Variants in UNC5C observed in about 807,000 individuals in gnomAD.
The protein encoded by UNC5C is netrin receptor UNC5C.
Under a neutral mutation model 99.8 loss-of-function variants are expected in UNC5C, and 47 were observed. The observed-to-expected ratio is 0.47, with a 90% CI of 0.37 to 0.60. The LOEUF (loss-of-function observed/expected upper bound fraction) is 0.60. UNC5C is among the 20% of genes least tolerant of loss of function. The pLI, the probability that UNC5C is intolerant of heterozygous loss-of-function variation, is 0.00. For missense variants in UNC5C, 1,062 were observed against 1,165.9 expected (o/e 0.91, Z 1.30); for synonymous variants, 487 against 452.2 (o/e 1.08, Z -0.98).
intron 1 of UNC5C, among the ~76,000 whole-genome samples, chr4:95,502,161 G>A (rs564668618): frequency 8.0e-4 from 122 of 152,282 alleles, no homozygotes; most frequent in African/African-American, 2.8e-3. Context: ...TGACGAACAT[G>A]TTACTTCCAG....
rs1453299756 is a variant in UNC5C at position 95,548,882 on chromosome 4, A to T, written c.-25T>A. On this transcript the variant is annotated 5_prime_UTR_variant, in exon 1 of 16. Coordinates refer to ENST00000453304, the MANE Select transcript of UNC5C (RefSeq NM_003728.4). ...TCGTAGACAGAGGTGTGCCGGGGGG[A>T]GGGGAGGGGGACAGAGAGACGCGCA... 1.0e-5 allele frequency: 16 copies of T among 1,599,166 alleles called. No individual in the cohort carries two copies. Among genetic ancestry groups the T allele is most frequent in the African/African-American group, 1.3e-5 (1 of 74,140 alleles).
intron 1 of UNC5C, among the ~76,000 whole-genome samples, chr4:95,357,135 GT>G (rs33936765): frequency 0.23 from 33,826 of 145,924 alleles, 3,884 homozygotes; most frequent in Admixed American, 0.26. Context: ...CCTTTTTTTT[GT>G]TTTTTTTTTT....
chr4:95,530,017 A>G (rs758691140), intron 1 of UNC5C, among the ~76,000 whole-genome samples: 1 of 152,214 alleles, frequency 6.6e-6, no homozygotes, highest in Non-Finnish European at 1.5e-5. Context: ...TGCAACTTGC[A>G]TATATATTTT....
At chr4:95,189,302 A>G (rs189548393) in intron 12 of UNC5C, among the ~76,000 whole-genome samples, 1 of 152,286 alleles carries the variant, frequency 6.6e-6, no homozygotes, top group Non-Finnish European at 1.5e-5. Flanking sequence ...AAATATTTTT[A>G]GACACCTTCT....
At chr4:95,383,206 T>C (rs1206402640) in intron 1 of UNC5C, among the ~76,000 whole-genome samples, 3 of 152,156 alleles carry the variant, frequency 2.0e-5, no homozygotes, top group African/African-American at 7.2e-5. Context: ...CTCATAGTTT[T>C]CTTCTTCCAG....
intron 1 of UNC5C, among the ~76,000 whole-genome samples, chr4:95,345,678 C>T (rs1342983895): frequency 6.6e-6 from 1 of 151,656 alleles, no homozygotes. Context: ...AATGGAATAG[C>T]CTAGAAATAA....
intron 7 of UNC5C, among the ~76,000 whole-genome samples, chr4:95,240,286 T>C (rs887539113): frequency 9.2e-5 from 14 of 152,144 alleles, no homozygotes; most frequent in Admixed American, 8.5e-4. Flanking sequence ...GGCCAAACAA[T>C]ATTATTTTTT....
At chr4:95,380,929 CA>C (rs1745050544) in intron 1 of UNC5C, among the ~76,000 whole-genome samples, 1 of 152,056 alleles carries the variant, frequency 6.6e-6, no homozygotes, top group Admixed American at 6.5e-5. Context: ...ATATTTTGTG[CA>C]ATTTTACCAT....
intron 13 of UNC5C, among the ~76,000 whole-genome samples, chr4:95,183,670 C>G (rs1332231468): frequency 6.6e-6 from 1 of 150,574 alleles, no homozygotes; most frequent in Non-Finnish European, 1.5e-5. Flanking sequence ...GACCACCTTA[C>G]AGAGCCTATC....
chr4:95,545,446 T>C (rs1044361994), intron 1 of UNC5C, among the ~76,000 whole-genome samples: 1 of 152,230 alleles, frequency 6.6e-6, no homozygotes, highest in Non-Finnish European at 1.5e-5. Context: ...GATAGAATTG[T>C]AATGAACTTT....
intron 12 of UNC5C, among the ~76,000 whole-genome samples, chr4:95,198,961 A>AAAT (rs1217831200): frequency 6.6e-6 from 1 of 152,174 alleles, no homozygotes; most frequent in African/African-American, 2.4e-5. Flanking sequence ...AGTATTAAGA[A>AAAT]AATAAAATGC....
At chr4:95,229,610 T>G (rs1035808453) in intron 7 of UNC5C, among the ~76,000 whole-genome samples, 4 of 152,238 alleles carry the variant, frequency 2.6e-5, no homozygotes, top group Middle Eastern at 3.4e-3. Context: ...GTCTTTATAG[T>G]AGAACGATTT....
At chr4:95,374,717 G>A (rs1744842238) in intron 1 of UNC5C, among the ~76,000 whole-genome samples, 1 of 152,124 alleles carries the variant, frequency 6.6e-6, no homozygotes, top group African/African-American at 2.4e-5. Flanking sequence ...CTCTGGAGAG[G>A]GAGGCCCAGG....
At chr4:95,171,207 T>G (rs553572112) in intron 14 of UNC5C, among the ~76,000 whole-genome samples, 106 of 151,612 alleles carry the variant, frequency 7.0e-4, no homozygotes, top group African/African-American at 2.5e-3. Flanking sequence ...AAATGCCATC[T>G]CTCTCTATTT....
intron 1 of UNC5C, among the ~76,000 whole-genome samples, chr4:95,367,617 G>A (rs1227405996): frequency 6.6e-6 from 1 of 151,822 alleles, no homozygotes; most frequent in East Asian, 1.9e-4. Context: ...AATCTTATTG[G>A]TAACTCCTAG....
intron 1 of UNC5C, among the ~76,000 whole-genome samples, chr4:95,369,712 T>C (rs553382205): frequency 3.3e-5 from 5 of 152,198 alleles, no homozygotes; most frequent in Non-Finnish European, 7.3e-5. Context: ...CCGTTATCAA[T>C]GGTCCAATGT....
At chr4:95,461,704 C>T (rs1329053422) in intron 1 of UNC5C, among the ~76,000 whole-genome samples, 1 of 152,128 alleles carries the variant, frequency 6.6e-6, no homozygotes, top group African/African-American at 2.4e-5. Flanking sequence ...GCAAGCCCAC[C>T]GGCAGCATGC....
At chr4:95,462,401 C>T (rs1005059941) in intron 1 of UNC5C, among the ~76,000 whole-genome samples, 8 of 152,014 alleles carry the variant, frequency 5.3e-5, no homozygotes, top group African/African-American at 1.2e-4. Context: ...TTAGATATTA[C>T]GGGTAAAAAT....
At chr4:95,353,990 C>T (rs560362210) in intron 1 of UNC5C, among the ~76,000 whole-genome samples, 1 of 152,126 alleles carries the variant, frequency 6.6e-6, no homozygotes, top group African/African-American at 2.4e-5. Context: ...GCACAGAAAA[C>T]CTTCAAAATC....
Sources: gnomAD v4.1 joint callset for allele counts (sites outside exome capture counted in the v4.1 genomes callset) on GRCh38, gnomAD v4.1.1 for gene constraint, MANE v1.5 for transcripts, NCBI Gene and HGNC (gene_info 2026-07-23, HGNC 2026-07-21) for gene names.